STK32C: variants seen among roughly 807,000 people sequenced by gnomAD.
STK32C encodes serine/threonine-protein kinase 32C.
In STK32C, 31 loss-of-function variants were observed where a neutral mutation model predicts 56.5. The ratio of observed to expected loss-of-function variants is 0.55; its 90% confidence interval spans 0.41 to 0.74. STK32C has a LOEUF of 0.74. Among genes scored for constraint, STK32C ranks in the 30% least tolerant of loss-of-function variants. The pLI, the probability that STK32C is intolerant of heterozygous loss-of-function variation, is 0.00. For synonymous variants in STK32C, 309 were observed against 289.4 expected, an observed-to-expected ratio of 1.07 and a Z score of -0.69; for missense variants, 544 against 676.9, an observed-to-expected ratio of 0.80 and a Z score of 2.18.
rs748707988 is a variant in STK32C, at chr10:132,331,824, A to G, written c.-88T>C. 4 of 1,544,064 alleles carry G rather than the reference A, an allele frequency of 2.6e-6. No homozygotes were observed. In the South Asian group the frequency reaches 3.4e-5, roughly 13 times the overall value. On this transcript the variant is annotated 5_prime_UTR_variant, in exon 1 of 2. Transcript: ENST00000368619. ...CTTGCCCGTCGACCACCACCCCTTC[A>G]AGGCCGCGGGCGCGGAAAAACGGAT...
Position 132,306,861 on chromosome 10 carries a change from T to TCCCCGGGGC in STK32C, c.262+702_262+710dup, listed in dbSNP as rs908662061. 6 of 152,046 alleles carry TCCCCGGGGC rather than the reference T, an allele frequency of 3.9e-5. No individual in the cohort carries two copies. In the East Asian group the frequency reaches 1.2e-3, roughly 30 times the overall value. 9.4% of individuals were successfully genotyped at this position (152,046 alleles called of 1,614,324 possible). ...CTCCCTGCAGGTGATAATTCGGGGGTCCCCGGGGCCCCCTGGCACCCCGGG... is the reference window on the plus strand; with the variant it reads ...CTCCCTGCAGGTGATAATTCGGGGGTCCCCGGGGCCCCCGGGGCCCCCTGGCACCCCGGG... On this transcript the variant is annotated intron_variant, in intron 1 of 11. Transcript: ENST00000298630.
chr10:132,319,951 G>A (rs114862804), downstream of STK32C, among the ~76,000 whole-genome samples: 187 of 149,632 alleles, frequency 1.2e-3, no homozygotes, highest in African/African-American at 4.3e-3. Flanking sequence ...ATAATGGCAC[G>A]ATCTCGGCTC....
chr10:132,304,263 C>T (rs182717693), intron 1 of STK32C, among the ~76,000 whole-genome samples: 9 of 152,186 alleles, frequency 5.9e-5, no homozygotes, highest in African/African-American at 1.9e-4. Context: ...ATCTCAGCCT[C>T]GACTGCTGGT....
intron 1 of STK32C, among the ~76,000 whole-genome samples, chr10:132,325,499 G>C (rs1157245820): frequency 6.6e-6 from 1 of 151,058 alleles, no homozygotes; most frequent in African/African-American, 2.4e-5. Context: ...CTTCCAGTGA[G>C]CCGAGATCGC....
chr10:132,331,533 G>C (rs1432770183), exon 1 of STK32C: 2 of 1,612,848 alleles, frequency 1.2e-6, no homozygotes, highest in African/African-American at 2.7e-5. Context: ...CAAGTCCTGA[G>C]GCAAGATTTG....
intron 1 of STK32C, among the ~76,000 whole-genome samples, chr10:132,264,106 T>C (rs11146281): frequency 0.24 from 36,307 of 152,020 alleles, 5,019 homozygotes; most frequent in Non-Finnish European, 0.33. Context: ...ATGTAATCAG[T>C]AGGCATGGAG....
intron 1 of STK32C, among the ~76,000 whole-genome samples, chr10:132,250,811 G>A (rs927669246): frequency 1.3e-5 from 2 of 152,232 alleles, no homozygotes; most frequent in African/African-American, 2.4e-5. Context: ...AAAGGTCAAC[G>A]TCTGGTCCCC....
intron 1 of STK32C, among the ~76,000 whole-genome samples, chr10:132,247,332 C>T (rs937965669): frequency 6.6e-6 from 1 of 152,188 alleles, no homozygotes; most frequent in Non-Finnish European, 1.5e-5. Flanking sequence ...CCCAGGGCAC[C>T]CCAGGATAGC....
In STK32C at chr10:132,255,668, T is replaced by A. The variant is rs577362217; in HGVS notation, c.263-9713A>T. On this transcript the variant is annotated intron_variant, in intron 1 of 11. Transcript: ENST00000298630. The surrounding 1 kb of genome is among the most constrained non-coding windows in gnomAD (Gnocchi z 4.6). The stretch of plus-strand genomic sequence containing the variant: ...AACCCTTGCTGAGCCCCACGCGGTT[T>A]CCTGCACCACTGAGGATGTGTTGAA... 6.6e-6 allele frequency among the ~76,000 whole-genome samples: 1 copy of A among 152,256 alleles called. No homozygotes were observed. The highest frequency in any genetic ancestry group is 2.4e-5 in the African/African-American group (1 of 41,552).
At chr10:132,331,069 CGCG>C (rs2066692293) in intron 1 of STK32C, among the ~76,000 whole-genome samples, 1 of 151,030 alleles carries the variant, frequency 6.6e-6, no homozygotes, top group Admixed American at 6.6e-5. Flanking sequence ...GACGTGGTGG[CGCG>C]CGCCTGTAGT....
exon 2 of STK32C, chr10:132,324,147 C>A: frequency 2.9e-6 from 2 of 700,758 alleles, no homozygotes; most frequent in South Asian, 3.1e-5. Flanking sequence ...AAAATGGAGG[C>A]CAAGAGCTGG....
At chr10:132,280,423 ACCACTGCACTCCGTGATCACG>A (rs1435757697) in intron 1 of STK32C, among the ~76,000 whole-genome samples, 2 of 103,226 alleles carry the variant, frequency 1.9e-5, no homozygotes, top group Non-Finnish European at 3.9e-5. Context: ...CCCTGATCAC[ACCACTGCACTCCGTGATCACG>A]CCACTGCACC....
intron 1 of STK32C, among the ~76,000 whole-genome samples, chr10:132,288,239 T>C (rs921970380): frequency 7.2e-5 from 11 of 152,156 alleles, no homozygotes; most frequent in African/African-American, 2.7e-4. Flanking sequence ...TTAACAGCTA[T>C]AAAACTTCTA....
chr10:132,241,955 A>C (rs1284927355), intron 2 of STK32C, among the ~76,000 whole-genome samples: 1 of 152,112 alleles, frequency 6.6e-6, no homozygotes, highest in East Asian at 1.9e-4. Context: ...AAAAATACAA[A>C]AAAAATTAGC....
intron 10 of STK32C, among the ~76,000 whole-genome samples, chr10:132,215,146 G>A (rs58303463): frequency 0.042 from 6,318 of 152,122 alleles, 272 homozygotes; most frequent in East Asian, 0.22. Context: ...AGCCTCCTGC[G>A]TAGCTGGTAT....
At chr10:132,276,278 A>T (rs1255665884) in intron 1 of STK32C, among the ~76,000 whole-genome samples, 1 of 152,178 alleles carries the variant, frequency 6.6e-6, no homozygotes, top group East Asian at 1.9e-4. Context: ...AGATGCCACC[A>T]CGCCAAGTCT....
chr10:132,324,569 C>T (rs568255640), intron 1 of STK32C, among the ~76,000 whole-genome samples: 5 of 152,338 alleles, frequency 3.3e-5, no homozygotes, highest in East Asian at 3.9e-4. Context: ...TGTAAACTTA[C>T]GTAGAAATGT....
chr10:132,299,611 T>C (rs1590440703), intron 1 of STK32C, among the ~76,000 whole-genome samples: 1 of 152,238 alleles, frequency 6.6e-6, no homozygotes, highest in Non-Finnish European at 1.5e-5. Flanking sequence ...GGAGCCACGG[T>C]GGACATTCTG....
chr10:132,227,884 G>C lies in STK32C; in HGVS notation c.470+93C>G, dbSNP rs1330443498. 7 of 1,492,736 alleles carry C rather than the reference G, an allele frequency of 4.7e-6. No homozygotes were observed. In the African/African-American group the frequency reaches 6.9e-5, roughly 15 times the overall value. The allele number at this position is 1,492,736 out of a possible 1,614,324, so 92.5% of individuals were successfully genotyped here. A position where few individuals can be genotyped will look rare whatever the true frequency, so the allele number is the denominator to read the frequency against. On this transcript the variant is annotated intron_variant, in intron 3 of 11. Coordinates refer to ENST00000298630, the MANE Select transcript of STK32C (RefSeq NM_173575.4). Reference sequence around the variant, plus strand: ...GGCAGAGGCATCTCCGAGGCACGAGGGCCAAGGAGCACCAAGGGCAGGAGA... The same window carrying C: ...GGCAGAGGCATCTCCGAGGCACGAGCGCCAAGGAGCACCAAGGGCAGGAGA...
Sources: allele counts gnomAD v4.1 joint callset (sites outside exome capture counted in the v4.1 genomes callset), GRCh38; gene constraint gnomAD v4.1.1; non-coding constraint Gnocchi (gnomAD v3.1); transcripts MANE v1.5; gene names NCBI Gene and HGNC (gene_info 2026-07-23, HGNC 2026-07-21).